Variants in VPS13D observed in about 807,000 individuals in gnomAD.
VPS13D encodes the protein vacuolar protein sorting 13 homolog D, also known as intermembrane lipid transfer protein VPS13D.
Under a neutral mutation model 461.9 loss-of-function variants are expected in VPS13D, and 187 were observed. The observed-to-expected ratio is 0.40, with a 90% CI of 0.36 to 0.46. The LOEUF (loss-of-function observed/expected upper bound fraction) is 0.46, where lower values mean the gene tolerates loss of function less well. VPS13D is among the 20% of genes least tolerant of loss of function. The pLI is 0.60. For missense variants in VPS13D, 4,711 were observed against 5,364.9 expected (o/e 0.88, Z 3.81); for synonymous variants, 1,951 against 1,986.3 (o/e 0.98, Z 0.47).
intron 65 of VPS13D, among the ~76,000 whole-genome samples, chr1:12,448,541 C>T (rs1179805265): frequency 6.6e-6 from 1 of 152,150 alleles, no homozygotes; most frequent in Non-Finnish European, 1.5e-5. Context: ...CCAAAAAGTC[C>T]TACACTGGGT....
intron 37 of VPS13D, among the ~76,000 whole-genome samples, chr1:12,331,090 G>T (rs1353869035): frequency 6.6e-6 from 1 of 152,150 alleles, no homozygotes; most frequent in Non-Finnish European, 1.5e-5. Flanking sequence ...CCATTTGAAA[G>T]ACCAAGGTAA....
At position 12,349,351 on chromosome 1, in the gene VPS13D, C is replaced by A; in HGVS notation, c.9408C>A (p.Asp3136Glu). ...GTAAACGAGAGTGCCACTCTATGGA[C>A]ACAGAAAAAAGCCGATTTTTCAGGT... Reference protein sequence around the residue: ...SSSKRECHSMDTEKSRFFRFC... With the variant: ...SSSKRECHSMETEKSRFFRFC... Residue 3136 changes from aspartate (D) to glutamate (E), a missense_variant, in exon 46 of 70, where the codon GAC becomes GAA. By Grantham distance (45) the Asp-to-Glu change is conservative. Around this residue, in one of 3 missense-constraint regions of VPS13D, gnomAD observed 4,411 missense variants for 4,937.8 expected, o/e 0.89. Coordinates refer to ENST00000620676, the MANE Select transcript of VPS13D (RefSeq NM_015378.4). 1 of 1,613,806 alleles carries A rather than the reference C, an allele frequency of 6.2e-7. No homozygotes were observed. Among genetic ancestry groups the A allele is most frequent in the East Asian group, 2.2e-5 (1 of 44,880 alleles).
chr1:12,238,279 A>T (rs1213119470), intron 2 of VPS13D, among the ~76,000 whole-genome samples: 3 of 141,846 alleles, frequency 2.1e-5, no homozygotes, highest in Non-Finnish European at 4.6e-5. Flanking sequence ...ATACATACAT[A>T]TATATGTATA....
chr1:12,447,797 C>A (rs1262936089), intron 65 of VPS13D, among the ~76,000 whole-genome samples: 4 of 152,126 alleles, frequency 2.6e-5, no homozygotes, highest in Non-Finnish European at 5.9e-5. Context: ...GAATGGAGGT[C>A]TTGTGACTAG....
chr1:12,263,321 G>A (rs1641172898), intron 13 of VPS13D, among the ~76,000 whole-genome samples: 1 of 152,190 alleles, frequency 6.6e-6, no homozygotes, highest in Non-Finnish European at 1.5e-5. Flanking sequence ...TGTGAGAGCT[G>A]AAATGAGGAG....
chr1:12,397,183 C>A (rs1570090923), intron 60 of VPS13D, among the ~76,000 whole-genome samples: 1 of 152,286 alleles, frequency 6.6e-6, no homozygotes, highest in South Asian at 2.1e-4. Flanking sequence ...ATCTGCACAC[C>A]TTGGCCTCGC....
In VPS13D at chr1:12,249,305, A is replaced by G. The variant is rs779567569; in HGVS notation, c.530A>G (p.Lys177Arg). 1 of 1,613,998 alleles carries G rather than the reference A, an allele frequency of 6.2e-7. No individual in the cohort carries two copies. Among genetic ancestry groups the G allele is most frequent in the Non-Finnish European group, 8.5e-7 (1 of 1,179,958 alleles). ...SHPFAFGICI[K>R]NVSMQNAVNE... ...CCTTTTGCTTTTGGCATCTGCATTA[A>G]GAATGTGTCCATGCAAAATGCTGTG... The change falls in exon 6 of 70, where the codon AAG (lysine) becomes AGG (arginine). Residue 177 changes from lysine (K) to arginine (R), a missense_variant. Around this residue, in one of 3 missense-constraint regions of VPS13D, gnomAD observed 4,411 missense variants for 4,937.8 expected, o/e 0.89. Transcript: ENST00000620676.
chr1:12,317,980 C>A lies in VPS13D; in HGVS notation c.7149-92C>A, dbSNP rs184553635. Reference sequence around the variant, plus strand: ...AGGCAGTTTGGAAAATACCGGAATACCACCTGCCAAAACTGAGCAGTACAT... The same window carrying A: ...AGGCAGTTTGGAAAATACCGGAATAACACCTGCCAAAACTGAGCAGTACAT... On this transcript the variant is annotated intron_variant, in intron 30 of 69. Transcript: ENST00000620676. 2.4e-4 allele frequency: 331 copies of A among 1,353,544 alleles called. 1 individual carries two copies. The African/African-American group carries it at 4.4e-3, about 18-fold the overall frequency. The allele number at this position is 1,353,544 out of a possible 1,614,324, so 83.8% of individuals were successfully genotyped here.
At chr1:12,254,949 T>A (rs150507454) in intron 7 of VPS13D, among the ~76,000 whole-genome samples, 121 of 151,762 alleles carry the variant, frequency 8.0e-4, no homozygotes, top group African/African-American at 2.8e-3. Flanking sequence ...ATGGCTTTCT[T>A]CTTTTTTTTT....
At chr1:12,450,042 G>A (rs903832036) in intron 65 of VPS13D, among the ~76,000 whole-genome samples, 3 of 152,078 alleles carry the variant, frequency 2.0e-5, no homozygotes, top group Non-Finnish European at 4.4e-5. Flanking sequence ...AGAACCGCTT[G>A]AACCCAGGAG....
At chr1:12,270,966 ACT>A (rs150878332) in intron 16 of VPS13D, 26 bp from the exon 17 acceptor site, 49,413 of 1,607,872 alleles carry the variant, frequency 0.031, 875 homozygotes, top group Middle Eastern at 0.057. Context: ...GAAAATTCTG[ACT>A]CTGCTGTGTA....
At chr1:12,250,559 C>T (rs1379207987) in intron 6 of VPS13D, among the ~76,000 whole-genome samples, 1 of 150,624 alleles carries the variant, frequency 6.6e-6, no homozygotes, top group African/African-American at 2.5e-5. Flanking sequence ...TTTCTTTATT[C>T]CCTAACGTTA....
In VPS13D at chr1:12,373,095, GTTTTTTTTTTT is replaced by G. The variant is rs571503565; in HGVS notation, c.10809-638_10809-628del. ...TTGGTCCCTTGAATTGTCTGGCTTG[GTTTTTTTTTTT>G]TTTTTTTTTTTTTTTTGCTTTTTTT... is the stretch of plus-strand genomic sequence containing the variant. On this transcript the variant is annotated intron_variant, in intron 54 of 69. Coordinates refer to ENST00000620676, the MANE Select transcript of VPS13D (RefSeq NM_015378.4). Among the ~76,000 whole-genome samples, 12 of 37,236 alleles carry G rather than the reference GTTTTTTTTTTT, an allele frequency of 3.2e-4. No individual in the cohort carries two copies. The East Asian group carries it at 4.7e-3, about 14-fold the overall frequency. 24.4% of individuals were successfully genotyped at this position (37,236 alleles called of 152,430 possible). A position where few individuals can be genotyped will look rare whatever the true frequency, so the allele number is the denominator to read the frequency against.
At chr1:12,438,036 T>C (rs1645083264) in intron 65 of VPS13D, among the ~76,000 whole-genome samples, 1 of 152,182 alleles carries the variant, frequency 6.6e-6, no homozygotes, top group South Asian at 2.1e-4. Context: ...TTAGCACACC[T>C]TGATGTGTGT....
chr1:12,329,374 C>T (rs921755473), intron 36 of VPS13D, among the ~76,000 whole-genome samples: 2 of 152,092 alleles, frequency 1.3e-5, no homozygotes, highest in African/African-American at 2.4e-5. Context: ...CTACCACGCC[C>T]AGCCAGTTTT....
Position 12,267,905 on chromosome 1 carries a change from A to G in VPS13D, c.1786A>G (p.Ser596Gly). ...TCTACAAACTACATCTGCAGACAGA[A>G]GTGATCATTACCCAGGTAATTTGTC... is the stretch of plus-strand genomic sequence containing the variant. ...FGLQTTSADR[S>G]DHYPAADPDG... is the part of the protein sequence containing the mutation. The change falls in exon 15 of 70, where the codon AGT becomes GGT. Residue 596 changes from serine (S) to glycine (G), a missense_variant. Transcript: ENST00000620676. The G allele has an allele frequency of 6.2e-7, 1 of 1,613,960 alleles. No individual in the cohort carries two copies. The highest frequency in any genetic ancestry group is 1.1e-5 in the South Asian group (1 of 91,056).
chr1:12,350,181 T>C (rs1364111129), intron 46 of VPS13D, among the ~76,000 whole-genome samples: 1 of 152,206 alleles, frequency 6.6e-6, no homozygotes, highest in Non-Finnish European at 1.5e-5. Context: ...TGAACAATGT[T>C]ATCAATGAGC....
intron 64 of VPS13D, among the ~76,000 whole-genome samples, chr1:12,415,939 G>C (rs957064878): frequency 6.6e-6 from 1 of 152,122 alleles, no homozygotes; most frequent in African/African-American, 2.4e-5. Flanking sequence ...AGTACTTGGT[G>C]GGAGGCCAAG....
chr1:12,346,514 G>T, intron 43 of VPS13D, 91 bp from the exon 44 acceptor site: 1 of 1,325,484 alleles, frequency 7.5e-7, no homozygotes, highest in Non-Finnish European at 1.1e-6. Context: ...TTACAAACAC[G>T]ACCCTTTGAA....
Sources: allele counts gnomAD v4.1 joint callset (sites outside exome capture counted in the v4.1 genomes callset), GRCh38; gene constraint gnomAD v4.1.1; regional missense constraint gnomAD v4.1.1; transcripts MANE v1.5; gene names NCBI Gene and HGNC (gene_info 2026-07-23, HGNC 2026-07-21).